TEX26: variants seen among roughly 807,000 people sequenced by gnomAD.
The protein encoded by TEX26 is testis expressed 26, also known as testis-expressed protein 26.
TEX26 carries 34 observed loss-of-function variants against 35.3 expected under a neutral mutation model. The ratio of observed to expected loss-of-function variants is 0.96; its 90% CI spans 0.73 to 1.28. The LOEUF (loss-of-function observed/expected upper bound fraction) is 1.28, where lower values mean the gene tolerates loss of function less well. TEX26 is among the 50% of genes most tolerant of loss of function. The pLI is 0.00. For missense variants in TEX26, 371 were observed against 330.1 expected (o/e 1.12, Z -0.96); for synonymous variants, 136 against 111.8 (o/e 1.22, Z -1.36).
In TEX26 at chr13:30,943,891, G is replaced by A. The variant is rs184333506; in HGVS notation, c.146+4113G>A. ...TTTTGTTGAGGATTTTTGTATCAAT[G>A]TTCATCAGGGATATTGGTCTGTAGT... On this transcript the variant is annotated intron_variant, in intron 2 of 6. Coordinates refer to ENST00000380473, the MANE Select transcript of TEX26 (RefSeq NM_152325.3). Among the ~76,000 whole-genome samples, 21 of 152,026 alleles carry A rather than the reference G, an allele frequency of 1.4e-4. No individual in the cohort carries two copies. The East Asian group carries it at 1.5e-3, about 11-fold the overall frequency.
intron 3 of TEX26, among the ~76,000 whole-genome samples, chr13:30,955,795 C>A (rs1448600485): frequency 6.6e-6 from 1 of 152,098 alleles, no homozygotes; most frequent in Non-Finnish European, 1.5e-5. Flanking sequence ...GTGCTGCAGG[C>A]GGGGCTGGGC....
Position 30,941,581 on chromosome 13 carries a change from G to T in TEX26, c.146+1803G>T, listed in dbSNP as rs762750066. ...TAATGGTGAGATCTGAGATTTTAGGGTACCCGTAACTAAAGTAGTGTACAT... is the reference window on the plus strand; with the variant it reads ...TAATGGTGAGATCTGAGATTTTAGGTTACCCGTAACTAAAGTAGTGTACAT... On this transcript the variant is annotated intron_variant, in intron 2 of 6. Coordinates refer to ENST00000380473, the MANE Select transcript of TEX26 (RefSeq NM_152325.3). Among the ~76,000 whole-genome samples, 4 of 152,150 alleles carry T rather than the reference G, an allele frequency of 2.6e-5. No homozygotes were observed. In the South Asian group the frequency reaches 8.3e-4, roughly 32 times the overall value.
chr13:30,973,318 C>T (rs570801625), intron 6 of TEX26: 2 of 152,276 alleles, frequency 1.3e-5, no homozygotes, highest in East Asian at 1.9e-4. Context: ...TGAAGGTCTA[C>T]AACTGGGAAA....
intron 3 of TEX26, among the ~76,000 whole-genome samples, chr13:30,954,053 T>C (rs959244230): frequency 6.6e-6 from 1 of 152,056 alleles, no homozygotes; most frequent in East Asian, 1.9e-4. Context: ...GAGAAGGGCA[T>C]TGGGGGAACA....
intron 5 of TEX26, among the ~76,000 whole-genome samples, chr13:30,966,888 G>A (rs1271765199): frequency 6.6e-6 from 1 of 152,208 alleles, no homozygotes; most frequent in East Asian, 1.9e-4. Context: ...TGTCGCTGCA[G>A]CTCCCAACCT....
At chr13:30,958,135 G>T (rs970286046) in intron 4 of TEX26, among the ~76,000 whole-genome samples, 1 of 152,210 alleles carries the variant, frequency 6.6e-6, no homozygotes, top group Non-Finnish European at 1.5e-5. Context: ...TGCCCTTAGG[G>T]CTCTGTGGCT....
intron 2 of TEX26, among the ~76,000 whole-genome samples, chr13:30,940,812 C>T (rs1003562460): frequency 1.3e-5 from 2 of 152,008 alleles, no homozygotes; most frequent in African/African-American, 2.4e-5. Context: ...GTGGCAGGCA[C>T]TTGTAATCCC....
rs150208338 is a variant in TEX26, at chr13:30,953,152, C to A, written c.312+327C>A. ...CCATCACCTTTATTTTTGTTCCAAA[C>A]CATTTTCATCATCCTAGAAGGAGAC... On this transcript the variant is annotated intron_variant, in intron 3 of 6. Coordinates refer to ENST00000380473, the MANE Select transcript of TEX26 (RefSeq NM_152325.3). 3.5e-3 allele frequency among the ~76,000 whole-genome samples: 534 copies of A among 152,276 alleles called. 3 individuals carry two copies. Among genetic ancestry groups the A allele is most frequent in the South Asian group, 0.028 (133 of 4,820 alleles).
At chr13:30,939,581 A>G (rs1953399433) in intron 1 of TEX26, 113 bp from the exon 2 acceptor site, 3 of 915,802 alleles carry the variant, frequency 3.3e-6, no homozygotes, top group African/African-American at 3.3e-5. Flanking sequence ...GACTCTAAAG[A>G]TAAACCATCC....
intron 2 of TEX26, among the ~76,000 whole-genome samples, chr13:30,949,126 GTGTTT>G (rs1953828838): frequency 6.6e-6 from 1 of 152,078 alleles, no homozygotes; most frequent in African/African-American, 2.4e-5. Context: ...CAGTACCATG[GTGTTT>G]TGGTTACTGT....
At chr13:30,973,546 G>A (rs572750371) in intron 6 of TEX26, 36 of 152,286 alleles carry the variant, frequency 2.4e-4, no homozygotes, top group African/African-American at 7.9e-4. Context: ...AAATACTGGA[G>A]ACAAGGTATG....
At chr13:30,959,560 C>A (rs1954260472) in intron 4 of TEX26, among the ~76,000 whole-genome samples, 1 of 152,028 alleles carries the variant, frequency 6.6e-6, no homozygotes, top group African/African-American at 2.4e-5. Context: ...ATGTTTGCTG[C>A]TGAGCCAAGT....
Position 30,943,528 on chromosome 13 carries a change from C to G in TEX26, c.146+3750C>G, listed in dbSNP as rs139961120. Among the ~76,000 whole-genome samples, 614 of 152,218 alleles carry G rather than the reference C, an allele frequency of 4.0e-3. 1 individual carries two copies. The highest frequency in any genetic ancestry group is 5.5e-3 in the Non-Finnish European group (374 of 67,958). On this transcript the variant is annotated intron_variant, in intron 2 of 6. Transcript: ENST00000380473. ...GAATAGAAGTGGTGAAAGTGGGCATCCTTTTCTTGTTCCAGGCCTCAGAGG... is the reference window on the plus strand; with the variant it reads ...GAATAGAAGTGGTGAAAGTGGGCATGCTTTTCTTGTTCCAGGCCTCAGAGG...
At chr13:30,951,521 A>G (rs999722809) in intron 2 of TEX26, among the ~76,000 whole-genome samples, 2 of 152,284 alleles carry the variant, frequency 1.3e-5, no homozygotes, top group Admixed American at 1.3e-4. Flanking sequence ...CCTTTTTTAA[A>G]AAAAAGTCAA....
intron 6 of TEX26, among the ~76,000 whole-genome samples, chr13:30,972,374 CTCA>C (rs1954743269): frequency 6.6e-6 from 1 of 152,200 alleles, no homozygotes; most frequent in South Asian, 2.1e-4. Flanking sequence ...ATTTTACACA[CTCA>C]TCGTTTTTAC....
chr13:30,968,356 G>C (rs531532887), intron 5 of TEX26, among the ~76,000 whole-genome samples: 1 of 152,114 alleles, frequency 6.6e-6, no homozygotes, highest in Admixed American at 6.5e-5. Flanking sequence ...TATGAAGTCC[G>C]ATCGTAGTTA....
At chr13:30,972,687 C>G (rs112035810) in intron 6 of TEX26, among the ~76,000 whole-genome samples, 2 of 152,128 alleles carry the variant, frequency 1.3e-5, no homozygotes, top group African/African-American at 2.4e-5. Context: ...CAGGCTGGAG[C>G]GCAGTGGCGT....
At chr13:30,940,863 C>T (rs974818026) in intron 2 of TEX26, among the ~76,000 whole-genome samples, 1 of 151,422 alleles carries the variant, frequency 6.6e-6, no homozygotes, top group Non-Finnish European at 1.5e-5. Flanking sequence ...GCTTGAACTC[C>T]GGAGGTGGAG....
intron 6 of TEX26, among the ~76,000 whole-genome samples, chr13:30,969,275 C>T (rs543557079): frequency 6.6e-6 from 1 of 152,140 alleles, no homozygotes; most frequent in South Asian, 2.1e-4. Flanking sequence ...AAGAGACATA[C>T]AGCTTTTCAC....
Sources: gnomAD v4.1 joint callset for allele counts (sites outside exome capture counted in the v4.1 genomes callset) on GRCh38, gnomAD v4.1.1 for gene constraint, MANE v1.5 for transcripts, NCBI Gene and HGNC (gene_info 2026-07-23, HGNC 2026-07-21) for gene names.